PIEZO2: variants seen among roughly 807,000 people sequenced by gnomAD.
PIEZO2 encodes piezo type mechanosensitive ion channel component 2.
Under a neutral mutation model 337.3 loss-of-function variants are expected in PIEZO2, and 172 were observed. The ratio of observed to expected loss-of-function variants is 0.51; its 90% CI spans 0.45 to 0.58. PIEZO2 has a LOEUF of 0.58. Ranked by LOEUF, PIEZO2 falls within the 20% of genes least tolerant of loss-of-function variation. The pLI is 0.00. For synonymous variants in PIEZO2, 1,251 were observed against 1,228.5 expected, an observed-to-expected ratio of 1.02 and a Z score of -0.38; for missense variants, 3,028 against 3,391.3, an observed-to-expected ratio of 0.89 and a Z score of 2.66.
chr18:10,837,105 C>T lies in PIEZO2; in HGVS notation c.917+18248G>A, dbSNP rs1056650740. The stretch of plus-strand genomic sequence containing the variant: ...TTCTTAGGCAAAGAAACACTCTTCG[C>T]ACAGGGATTGCTCACAACTCTTTCC... On this transcript the variant is annotated intron_variant, in intron 7 of 55. Transcript: ENST00000674853. This position sits in a 1 kb window ranked among gnomAD's most constrained non-coding sequence, Gnocchi z 4.4. 5.3e-5 allele frequency among the ~76,000 whole-genome samples: 8 copies of T among 152,244 alleles called. No homozygotes were observed. In the East Asian group the frequency reaches 1.3e-3, roughly 26 times the overall value.
At chr18:10,780,402 G>A (rs2038938426) in intron 17 of PIEZO2, 36 bp from the exon 18 acceptor site, 1 of 702,800 alleles carries the variant, frequency 1.4e-6, no homozygotes, top group Admixed American at 2.0e-5. Context: ...GGGATGCAAT[G>A]AGGAGACAGG....
At chr18:10,686,158 G>A (rs2034536439) in intron 49 of PIEZO2, among the ~76,000 whole-genome samples, 1 of 152,192 alleles carries the variant, frequency 6.6e-6, no homozygotes, top group Non-Finnish European at 1.5e-5. Context: ...CCAAGACGCT[G>A]CCTCCAGTGA....
rs1331170586 is a variant in PIEZO2, at chr18:10,795,374, ATTTTAT to A, written c.1528-378_1528-373del. On this transcript the variant is annotated intron_variant, in intron 12 of 55. Coordinates refer to ENST00000674853, the MANE Select transcript of PIEZO2 (RefSeq NM_001378183.1). The surrounding 1 kb of genome is among the most constrained non-coding windows in gnomAD (Gnocchi z 4.4). The stretch of plus-strand genomic sequence containing the variant: ...TTATTATTTTATTTTATTTTATTTT[ATTTTAT>A]TTTATTTTATTTTATTTTATTTTAT... 1.8e-5 allele frequency among the ~76,000 whole-genome samples: 1 copy of A among 56,694 alleles called. No homozygotes were observed. The highest frequency in any genetic ancestry group is 4.4e-5 in the Non-Finnish European group (1 of 22,770). 37.2% of individuals were successfully genotyped at this position (56,694 alleles called of 152,430 possible).
chr18:10,953,118 T>C lies in PIEZO2; in HGVS notation c.286+26417A>G, dbSNP rs564710902. Among the ~76,000 whole-genome samples, 1 of 152,342 alleles carries C rather than the reference T, an allele frequency of 6.6e-6. No individual in the cohort carries two copies. The highest frequency in any genetic ancestry group is 1.9e-4 in the East Asian group (1 of 5,190). ...TTCCTTAGTATTGAGTTTTAAGAGTTCTTCATAAATACTGGATACAAGTCC... is the reference window on the plus strand; with the variant it reads ...TTCCTTAGTATTGAGTTTTAAGAGTCCTTCATAAATACTGGATACAAGTCC... On this transcript the variant is annotated intron_variant, in intron 3 of 55. Transcript: ENST00000674853. The surrounding 1 kb of genome is among the most constrained non-coding windows in gnomAD (Gnocchi z 5.2).
At chr18:11,087,493 T>C (rs2038949773) in intron 1 of PIEZO2, among the ~76,000 whole-genome samples, 1 of 152,214 alleles carries the variant, frequency 6.6e-6, no homozygotes, top group African/African-American at 2.4e-5. Flanking sequence ...ATATTTTTCC[T>C]GTGCAAATGG....
intron 18 of PIEZO2, among the ~76,000 whole-genome samples, chr18:10,776,428 A>C (rs1366498869): frequency 1.3e-5 from 2 of 152,240 alleles, no homozygotes. Context: ...TCATAAATTC[A>C]TTGTAAAGAA....
rs1254467641 is a variant in PIEZO2 at position 11,111,332 on chromosome 18, A to G, written c.64+37193T>C. Among the ~76,000 whole-genome samples, 1 of 152,188 alleles carries G rather than the reference A, an allele frequency of 6.6e-6. No homozygotes were observed. The highest frequency in any genetic ancestry group is 1.5e-5 in the Non-Finnish European group (1 of 68,032). ...TCTCCTCTATTTAAACCCTCTATAC[A>G]TGGATTATCTACAGTGGCTTCTGTT... is the stretch of plus-strand genomic sequence containing the variant. On this transcript the variant is annotated intron_variant, in intron 1 of 55. Transcript: ENST00000674853. The surrounding 1 kb of genome is among the most constrained non-coding windows in gnomAD (Gnocchi z 6.2).
intron 4 of PIEZO2, among the ~76,000 whole-genome samples, chr18:10,910,269 C>T (rs1435078356): frequency 6.6e-6 from 1 of 152,120 alleles, no homozygotes; most frequent in Non-Finnish European, 1.5e-5. Context: ...AACATTCATT[C>T]CAAGGTAGGT....
intron 33 of PIEZO2, chr18:10,738,693 T>C (rs947824511): frequency 4.6e-5 from 7 of 152,204 alleles, no homozygotes; most frequent in Non-Finnish European, 1.0e-4. Context: ...AATTACTAAG[T>C]TGGAAATTAA....
Position 11,105,893 on chromosome 18 carries a change from T to C in PIEZO2, c.65-39671A>G, listed in dbSNP as rs2039544568. Among the ~76,000 whole-genome samples, 1 of 152,174 alleles carries C rather than the reference T, an allele frequency of 6.6e-6. No homozygotes were observed. The highest frequency in any genetic ancestry group is 3.2e-3 in the Middle Eastern group (1 of 316). ...TACTCCCAAACAATCTAGTCCTTCT[T>C]CTGTAGGGTTATCTGACTGATTTAG... On this transcript the variant is annotated intron_variant, in intron 1 of 55. Transcript: ENST00000674853. This position sits in a 1 kb window ranked among gnomAD's most constrained non-coding sequence, Gnocchi z 4.3.
chr18:10,773,955 G>C lies in PIEZO2; in HGVS notation c.2567+51C>G. ...GTCAGAGTTTAGGGTGTAGAAGCAT[G>C]AAATGGCATCATGTAGAGCAAGCAT... On this transcript the variant is annotated intron_variant, in intron 19 of 55. Coordinates refer to ENST00000674853, the MANE Select transcript of PIEZO2 (RefSeq NM_001378183.1). This position sits in a 1 kb window ranked among gnomAD's most constrained non-coding sequence, Gnocchi z 5.3. 1 of 702,236 alleles carries C rather than the reference G, an allele frequency of 1.4e-6. No homozygotes were observed. The highest frequency in any genetic ancestry group is 2.6e-6 in the Non-Finnish European group (1 of 384,736). 43.5% of individuals were successfully genotyped at this position (702,236 alleles called of 1,614,324 possible). A position where few individuals can be genotyped will look rare whatever the true frequency, so the allele number is the denominator to read the frequency against.
intron 48 of PIEZO2, among the ~76,000 whole-genome samples, chr18:10,690,202 C>T (rs115277284): frequency 0.01 from 1,562 of 152,174 alleles, 20 homozygotes; most frequent in African/African-American, 0.036. Context: ...AAAATGAGGG[C>T]AAATGGATAA....
In PIEZO2 at chr18:11,001,840, T is replaced by C. The variant is rs145665556; in HGVS notation, c.161-22180A>G. ...TTGCAGTGAGCTCAGATTGCACCAC[T>C]GTACTCCAGCCTGGGTGATAGAGCG... On this transcript the variant is annotated intron_variant, in intron 2 of 55. Coordinates refer to ENST00000674853, the MANE Select transcript of PIEZO2 (RefSeq NM_001378183.1). This position sits in a 1 kb window ranked among gnomAD's most constrained non-coding sequence, Gnocchi z 5.3. Among the ~76,000 whole-genome samples, 1 of 150,436 alleles carries C rather than the reference T, an allele frequency of 6.6e-6. No individual in the cohort carries two copies. Among genetic ancestry groups the C allele is most frequent in the Non-Finnish European group, 1.5e-5 (1 of 67,826 alleles).
intron 7 of PIEZO2, among the ~76,000 whole-genome samples, chr18:10,832,730 C>T (rs1032953615): frequency 6.6e-6 from 1 of 152,206 alleles, no homozygotes; most frequent in African/African-American, 2.4e-5. Flanking sequence ...GTGGCTCCAC[C>T]CGCCCAGGAT....
intron 45 of PIEZO2, 106 bp from the exon 46 acceptor site, chr18:10,696,645 C>T: frequency 7.7e-7 from 1 of 1,300,960 alleles, no homozygotes; most frequent in Non-Finnish European, 1.1e-6. Flanking sequence ...TTCCTCTTTC[C>T]AGTCAGGTCC....
Position 10,803,007 on chromosome 18 carries a change from C to T in PIEZO2, c.1200+868G>A, listed in dbSNP as rs562249204. ...AAAAAAAGGTATTTTAATAATCTGT[C>T]TAAATAACTGTGGACAGTCTTTGCT... On this transcript the variant is annotated intron_variant, in intron 9 of 55. Transcript: ENST00000674853. Among the ~76,000 whole-genome samples, 143 of 151,622 alleles carry T rather than the reference C, an allele frequency of 9.4e-4. 3 individuals are homozygous for T. Among genetic ancestry groups the T allele is most frequent in the Admixed American group, 9.4e-3 (142 of 15,184 alleles).
chr18:10,782,688 C>A (rs1290271656), intron 17 of PIEZO2, among the ~76,000 whole-genome samples: 1 of 151,040 alleles, frequency 6.6e-6, no homozygotes, highest in South Asian at 2.1e-4. Context: ...GCAAGGAAGG[C>A]AAGTCAGGAC....
intron 3 of PIEZO2, among the ~76,000 whole-genome samples, chr18:10,959,953 G>A (rs1360535885): frequency 1.3e-5 from 2 of 152,028 alleles, no homozygotes; most frequent in Non-Finnish European, 2.9e-5. Context: ...TTGAGTAACT[G>A]TTAAAACAGC....
intron 3 of PIEZO2, among the ~76,000 whole-genome samples, chr18:10,970,680 A>T (rs202190633): frequency 0.022 from 3,401 of 151,814 alleles, 50 homozygotes; most frequent in Middle Eastern, 0.071. Context: ...ACACACACAC[A>T]CACACACACA....
Sources: allele counts gnomAD v4.1 joint callset (sites outside exome capture counted in the v4.1 genomes callset), GRCh38; gene constraint gnomAD v4.1.1; non-coding constraint Gnocchi (gnomAD v3.1); transcripts MANE v1.5; gene names NCBI Gene and HGNC (gene_info 2026-07-23, HGNC 2026-07-21).